The following GRK3 variants were observed in gnomAD, a reference collection of about 807,000 sequenced individuals.
GRK3 encodes G protein-coupled receptor kinase 3.
In GRK3, 54 loss-of-function variants were observed where a neutral mutation model predicts 95.7. The ratio of observed to expected loss-of-function variants is 0.56; its 90% CI spans 0.45 to 0.71. The LOEUF (loss-of-function observed/expected upper bound fraction) is 0.71, where lower values mean the gene tolerates loss of function less well. Among genes scored for constraint, GRK3 ranks in the 30% least tolerant of loss-of-function variants. The probability of loss-of-function intolerance (pLI) is 0.00; values close to 1 mark genes in which losing one functional copy is unlikely to be tolerated. For synonymous variants in GRK3, 281 were observed against 290.8 expected (o/e 0.97, Z 0.34); for missense variants, 649 against 851.2 (o/e 0.76, Z 2.96).
intron 1 of GRK3, among the ~76,000 whole-genome samples, chr22:25,575,427 T>C (rs1931855928): frequency 6.6e-6 from 1 of 152,208 alleles, no homozygotes; most frequent in African/African-American, 2.4e-5. Flanking sequence ...ACTTATGCTC[T>C]AGAACTAGGG....
At chr22:25,698,845 A>G (rs543184391) in intron 13 of GRK3, among the ~76,000 whole-genome samples, 24 of 152,168 alleles carry the variant, frequency 1.6e-4, no homozygotes, top group Non-Finnish European at 3.1e-4. Context: ...ACAGGAGCAA[A>G]TGACATGGCG....
At position 25,695,157 on chromosome 22, in the gene GRK3, A is replaced by G. The variant is rs113703300; in HGVS notation, c.1103A>G (p.Tyr368Cys). ...APEVLQKGTA[Y>C]DSSADWFSLG... ...GAGGTGCTGCAGAAGGGGACGGCCT[A>G]TGACAGCAGTGCCGACTGGTTCTCC... Residue 368 changes from tyrosine to cysteine, a missense_variant, in exon 13 of 21, where the codon TAT becomes TGT. Coordinates refer to ENST00000324198, the MANE Select transcript of GRK3 (RefSeq NM_005160.4). 6.2e-7 allele frequency: 1 copy of G among 1,614,160 alleles called. No homozygotes were observed. Among genetic ancestry groups the G allele is most frequent in the Non-Finnish European group, 8.5e-7 (1 of 1,180,006 alleles).
chr22:25,672,065 A>G (rs1005993933), intron 6 of GRK3, among the ~76,000 whole-genome samples: 1 of 152,240 alleles, frequency 6.6e-6, no homozygotes, highest in African/African-American at 2.4e-5. Flanking sequence ...TTCAGATAAA[A>G]GTGGTACCAT....
Position 25,718,390 on chromosome 22 carries a change from A to G in GRK3, c.1791+9A>G. 6.2e-7 allele frequency: 1 copy of G among 1,613,580 alleles called. No homozygotes were observed. Among genetic ancestry groups the G allele is most frequent in the Admixed American group, 1.7e-5 (1 of 59,926 alleles). The stretch of plus-strand genomic sequence containing the variant: ...GAGAGGGAGAGTCCCGGGTAAGTCT[A>G]AGGCAGCCTCACCGAGCATGTTTCC... On this transcript the variant is annotated intron_variant, in intron 19 of 20. Coordinates refer to ENST00000324198, the MANE Select transcript of GRK3 (RefSeq NM_005160.4).
intron 12 of GRK3, among the ~76,000 whole-genome samples, chr22:25,693,451 C>T (rs570235431): frequency 6.8e-4 from 104 of 152,296 alleles, no homozygotes; most frequent in Admixed American, 2.7e-3. Context: ...TACAAAGTCA[C>T]GGAAAAGGAC....
chr22:25,699,089 G>A (rs977532607), intron 13 of GRK3, among the ~76,000 whole-genome samples: 4 of 152,116 alleles, frequency 2.6e-5, no homozygotes, highest in African/African-American at 4.8e-5. Flanking sequence ...ACCCTGTGGC[G>A]AGGCGGGCAG....
chr22:25,675,673 G>C (rs575041703), intron 8 of GRK3, among the ~76,000 whole-genome samples: 1 of 152,222 alleles, frequency 6.6e-6, no homozygotes, highest in Non-Finnish European at 1.5e-5. Flanking sequence ...TTCAGTGCCT[G>C]CCTCCGGTCA....
At chr22:25,619,556 T>C (rs2084565214) in intron 2 of GRK3, among the ~76,000 whole-genome samples, 1 of 151,968 alleles carries the variant, frequency 6.6e-6, no homozygotes, top group Non-Finnish European at 1.5e-5. Flanking sequence ...TGATCATAGC[T>C]CACTGCTGCC....
chr22:25,720,545 T>G (rs2085423526), intron 19 of GRK3, among the ~76,000 whole-genome samples: 1 of 149,602 alleles, frequency 6.7e-6, no homozygotes, highest in African/African-American at 2.5e-5. Flanking sequence ...GGCGCGATCT[T>G]GGCTCACTGC....
rs1240018031 is a variant in GRK3, at chr22:25,664,658, C to T, written c.441+954C>T. 2.6e-5 allele frequency among the ~76,000 whole-genome samples: 4 copies of T among 151,688 alleles called. No individual in the cohort carries two copies. The East Asian group carries it at 5.8e-4, about 22-fold the overall frequency. ...GCCTCAGCCTCCCAAGTAGCTGGGA[C>T]CACAGGTGCCCGCCAGCATGCCCAG... On this transcript the variant is annotated intron_variant, in intron 5 of 20. Transcript: ENST00000324198.
chr22:25,586,859 G>A (rs528590266), intron 1 of GRK3, among the ~76,000 whole-genome samples: 197 of 152,286 alleles, frequency 1.3e-3, no homozygotes, highest in Middle Eastern at 0.01. Flanking sequence ...AGTACACTAA[G>A]GGGTTTGGAC....
chr22:25,712,166 T>G (rs1389123190), intron 17 of GRK3, among the ~76,000 whole-genome samples: 1 of 152,108 alleles, frequency 6.6e-6, no homozygotes, highest in Admixed American at 6.6e-5. Context: ...TGATGGTGAT[T>G]GGGGTGTTCA....
intron 3 of GRK3, chr22:25,648,884 A>G (rs2084807374): frequency 1.1e-6 from 1 of 911,048 alleles, no homozygotes; most frequent in African/African-American, 1.6e-5. Flanking sequence ...ATGAATACAC[A>G]TCAAGACAAG....
At chr22:25,700,036 C>T (rs530507482) in intron 13 of GRK3, among the ~76,000 whole-genome samples, 53 of 152,286 alleles carry the variant, frequency 3.5e-4, no homozygotes, top group Admixed American at 5.9e-4. Flanking sequence ...CTGTGACCAG[C>T]GTGCCCCCTT....
At chr22:25,622,893 A>T (rs1185398319) in intron 2 of GRK3, among the ~76,000 whole-genome samples, 3 of 152,194 alleles carry the variant, frequency 2.0e-5, no homozygotes, top group African/African-American at 7.2e-5. Flanking sequence ...AAGTGTATAC[A>T]TAGTTTCTGT....
At position 25,727,554 on chromosome 22, in the gene GRK3, A is replaced by G. The variant is rs1568946566; in HGVS notation, c.*5104A>G. On this transcript the variant is annotated 3_prime_UTR_variant, in exon 21 of 21. Transcript: ENST00000324198. ...CCCAAATTTTAAATTGCCTTTATTA[A>G]AAACACAAACTACAGAAAATGGGTT... 1 of 152,264 alleles carries G rather than the reference A, an allele frequency of 6.6e-6. No homozygotes were observed. The allele number at this position is 152,264 out of a possible 1,614,324, so 9.4% of individuals were successfully genotyped here.
chr22:25,600,801 C>T (rs1203189883), intron 1 of GRK3, among the ~76,000 whole-genome samples: 1 of 152,028 alleles, frequency 6.6e-6, no homozygotes, highest in East Asian at 1.9e-4. Context: ...GATATAAATC[C>T]TTAAAGGTAA....
Position 25,634,862 on chromosome 22 carries a change from A to G in GRK3, c.191-9730A>G, listed in dbSNP as rs1202153069. 3.3e-5 allele frequency among the ~76,000 whole-genome samples: 5 copies of G among 152,198 alleles called. No homozygotes were observed. The East Asian group carries it at 9.6e-4, about 29-fold the overall frequency. Reference sequence around the variant, plus strand: ...TTTTTCTCTAGCCTTTTTGCCAATAATTATATATAATCTTAGTCATAAATG... The same window carrying G: ...TTTTTCTCTAGCCTTTTTGCCAATAGTTATATATAATCTTAGTCATAAATG... On this transcript the variant is annotated intron_variant, in intron 2 of 20. Transcript: ENST00000324198.
chr22:25,574,551 G>T (rs1307306560), intron 1 of GRK3, among the ~76,000 whole-genome samples: 1 of 152,200 alleles, frequency 6.6e-6, no homozygotes, highest in Non-Finnish European at 1.5e-5. Flanking sequence ...TTACACAGCT[G>T]TTAAATATTG....
Sources: gnomAD v4.1 joint callset for allele counts (sites outside exome capture counted in the v4.1 genomes callset) on GRCh38, gnomAD v4.1.1 for gene constraint, MANE v1.5 for transcripts, NCBI Gene and HGNC (gene_info 2026-07-23, HGNC 2026-07-21) for gene names.